CLEC9A: variants seen among roughly 807,000 people sequenced by gnomAD.
The protein encoded by CLEC9A is C-type lectin domain family 9 member A.
In CLEC9A, 24 loss-of-function variants were observed where a neutral mutation model predicts 30.0. That is an observed-to-expected ratio of 0.80 (90% confidence interval 0.58 to 1.13). The LOEUF is 1.13. Ranked by LOEUF, CLEC9A falls within the 50% of genes most tolerant of loss-of-function variation. CLEC9A has a pLI of 0.00. For synonymous variants in CLEC9A, 111 were observed against 96.8 expected (o/e 1.15, Z -0.86); for missense variants, 251 against 280.9 (o/e 0.89, Z 0.76).
intron 4 of CLEC9A, 28 bp from the exon 5 acceptor site, chr12:10,054,243 G>A (rs760687891): frequency 1.4e-5 from 22 of 1,560,476 alleles, no homozygotes; most frequent in Admixed American, 5.1e-5. Context: ...TCTCTAACTC[G>A]GTATCATTTT....
At chr12:10,049,611 C>T (rs1179184223) in intron 2 of CLEC9A, among the ~76,000 whole-genome samples, 1 of 152,200 alleles carries the variant, frequency 6.6e-6, no homozygotes, top group African/African-American at 2.4e-5. Flanking sequence ...TTTCCTTAAA[C>T]CTCATGGACC....
At chr12:10,050,597 T>C (rs564931357) in intron 2 of CLEC9A, among the ~76,000 whole-genome samples, 3 of 152,330 alleles carry the variant, frequency 2.0e-5, no homozygotes, top group Admixed American at 2.0e-4. Flanking sequence ...AGGAACATAT[T>C]AGTCCTTCAT....
At chr12:10,043,338 A>G in intron 2 of CLEC9A, 1 of 191,658 alleles carries the variant, frequency 5.2e-6, no homozygotes, top group South Asian at 8.3e-5. Flanking sequence ...CCCGACACTC[A>G]GAATAGAAAG....
At chr12:10,038,592 A>G (rs567183104) in intron 1 of CLEC9A, among the ~76,000 whole-genome samples, 2 of 152,354 alleles carry the variant, frequency 1.3e-5, no homozygotes, top group Non-Finnish European at 2.9e-5. Flanking sequence ...TTTACTGCTC[A>G]TGGGGGTTTA....
chr12:10,058,349 G>A lies in CLEC9A; in HGVS notation c.173-2778G>A, dbSNP rs746691362. Reference sequence around the variant, plus strand: ...CATCACTGTTCTACACTTGACTCTGGTTAGATCCATCATTTTGCTAGAAAG... The same window carrying A: ...CATCACTGTTCTACACTTGACTCTGATTAGATCCATCATTTTGCTAGAAAG... On this transcript the variant is annotated intron_variant, in intron 5 of 8. Transcript: ENST00000355819. 3.3e-5 allele frequency among the ~76,000 whole-genome samples: 5 copies of A among 152,036 alleles called. No homozygotes were observed. In the South Asian group the frequency reaches 1.0e-3, roughly 32 times the overall value.
intron 1 of CLEC9A, among the ~76,000 whole-genome samples, chr12:10,037,865 C>T (rs118115181): frequency 0.017 from 2,553 of 151,826 alleles, 30 homozygotes; most frequent in Non-Finnish European, 0.028. Context: ...TAGTGATCAG[C>T]GTTATGGAAA....
chr12:10,042,794 G>A (rs187759497), intron 2 of CLEC9A, among the ~76,000 whole-genome samples: 2 of 152,238 alleles, frequency 1.3e-5, no homozygotes, highest in Admixed American at 1.3e-4. Context: ...ACATTTTATA[G>A]GCAAGCTAAG....
intron 6 of CLEC9A, among the ~76,000 whole-genome samples, chr12:10,062,311 A>G (rs1428255177): frequency 1.3e-5 from 2 of 152,182 alleles, no homozygotes; most frequent in Non-Finnish European, 2.9e-5. Flanking sequence ...AGAGTTGTGG[A>G]AGTTTCAGTG....
chr12:10,048,316 G>A (rs922914307), intron 2 of CLEC9A, among the ~76,000 whole-genome samples: 7 of 149,196 alleles, frequency 4.7e-5, no homozygotes, highest in African/African-American at 1.7e-4. Flanking sequence ...AGGTTGCAGT[G>A]AGCCGAGATC....
chr12:10,064,695 G>T, intron 7 of CLEC9A, 37 bp from the exon 8 acceptor site: 3 of 1,561,694 alleles, frequency 1.9e-6, no homozygotes, highest in South Asian at 1.2e-5. Flanking sequence ...TTGTTTGTTT[G>T]TTTTTCTCAT....
At chr12:10,058,610 T>C (rs1322118666) in intron 5 of CLEC9A, among the ~76,000 whole-genome samples, 2 of 152,228 alleles carry the variant, frequency 1.3e-5, no homozygotes, top group African/African-American at 4.8e-5. Context: ...AGGGTTATGA[T>C]CTCACCTCAC....
intron 3 of CLEC9A, chr12:10,052,394 C>T: frequency 3.3e-6 from 2 of 605,394 alleles, no homozygotes; most frequent in Non-Finnish European, 2.2e-6. Context: ...CTATCACCTT[C>T]AACATCTGCT....
intron 5 of CLEC9A, among the ~76,000 whole-genome samples, chr12:10,059,998 G>A (rs1008863498): frequency 1.3e-5 from 2 of 152,198 alleles, no homozygotes; most frequent in African/African-American, 4.8e-5. Flanking sequence ...AAACTACAGT[G>A]AGATATTACT....
chr12:10,049,907 C>A (rs1865878360), intron 2 of CLEC9A, among the ~76,000 whole-genome samples: 1 of 152,190 alleles, frequency 6.6e-6, no homozygotes, highest in Non-Finnish European at 1.5e-5. Flanking sequence ...ATAAGCCTAG[C>A]TTTTGGTTTA....
intron 2 of CLEC9A, among the ~76,000 whole-genome samples, chr12:10,044,001 A>T (rs1198267871): frequency 1.3e-5 from 2 of 152,060 alleles, no homozygotes; most frequent in Non-Finnish European, 2.9e-5. Context: ...TTTTTAAACA[A>T]AATTTCATCC....
At chr12:10,038,065 T>A (rs1475127264) in intron 1 of CLEC9A, among the ~76,000 whole-genome samples, 2 of 152,188 alleles carry the variant, frequency 1.3e-5, no homozygotes, top group African/African-American at 4.8e-5. Context: ...GTGACTGGAT[T>A]TACCCAGCTT....
At chr12:10,052,513 T>G (rs1865902214) in intron 3 of CLEC9A, 117 bp from the exon 4 acceptor site, 36 of 1,302,198 alleles carry the variant, frequency 2.8e-5, no homozygotes, top group Non-Finnish European at 3.5e-5. Flanking sequence ...CTTCATAAAC[T>G]TCCACTTTCT....
intron 4 of CLEC9A, among the ~76,000 whole-genome samples, chr12:10,053,781 C>T (rs142975730): frequency 2.0e-5 from 3 of 151,692 alleles, no homozygotes; most frequent in Non-Finnish European, 4.4e-5. Flanking sequence ...GTAAAGTTAC[C>T]TTGGAAAACT....
chr12:10,042,374 CCTCAAGTCA>C (rs1321957154), intron 2 of CLEC9A, among the ~76,000 whole-genome samples: 5 of 152,202 alleles, frequency 3.3e-5, no homozygotes, highest in Non-Finnish European at 1.5e-5. Flanking sequence ...CTGTCAAGAA[CCTCAAGTCA>C]CTTCCTATTT....
Sources: allele counts gnomAD v4.1 joint callset (sites outside exome capture counted in the v4.1 genomes callset), GRCh38; gene constraint gnomAD v4.1.1; transcripts MANE v1.5; gene names NCBI Gene and HGNC (gene_info 2026-07-23, HGNC 2026-07-21).